Variants in TMEM144 observed in about 807,000 individuals in gnomAD.
TMEM144 encodes transmembrane protein 144.
In TMEM144, 39 loss-of-function variants were observed where a neutral mutation model predicts 43.6. That is an observed-to-expected ratio of 0.90 (90% CI 0.69 to 1.17). The LOEUF (loss-of-function observed/expected upper bound fraction) is 1.17, where lower values mean the gene tolerates loss of function less well. Ranked by LOEUF, TMEM144 falls within the 50% of genes most tolerant of loss-of-function variation. The pLI, the probability that TMEM144 is intolerant of heterozygous loss-of-function variation, is 0.00. For missense variants in TMEM144, 417 were observed against 411.9 expected, an observed-to-expected ratio of 1.01 and a Z score of -0.11; for synonymous variants, 154 against 133.6, an observed-to-expected ratio of 1.15 and a Z score of -1.06.
At chr4:158,212,168 T>C (rs1407517427) in intron 2 of TMEM144, 1 of 152,258 alleles carries the variant, frequency 6.6e-6, no homozygotes, top group African/African-American at 2.4e-5. Flanking sequence ...TTTTTTCTCA[T>C]GTATCTCGGG....
chr4:158,236,906 G>A (rs1266518841), intron 8 of TMEM144, among the ~76,000 whole-genome samples: 4 of 152,030 alleles, frequency 2.6e-5, no homozygotes, highest in Non-Finnish European at 4.4e-5. Context: ...GCCCAAGTCT[G>A]GGGAGTCCGC....
chr4:158,246,218 CTT>C, intron 12 of TMEM144, among the ~76,000 whole-genome samples: 1 of 152,248 alleles, frequency 6.6e-6, no homozygotes, highest in East Asian at 1.9e-4. Flanking sequence ...TGCAAATACT[CTT>C]TTATAAGAAT....
chr4:158,235,493 A>C lies in TMEM144; in HGVS notation c.551A>C (p.His184Pro). The stretch of plus-strand genomic sequence containing the variant: ...TGGGTGGATAAACTTTCTACAGTAC[A>C]CCACCGCATAGTGTAAGGAGAGGTT... Reference protein sequence around the residue: ...CSWVDKLSTVHHRIVGCSLAV... With the variant: ...CSWVDKLSTVPHRIVGCSLAV... Residue 184 changes from histidine (H) to proline (P), a missense_variant, in exon 8 of 13, where the codon CAC becomes CCC. Coordinates refer to ENST00000296529, the MANE Select transcript of TMEM144 (RefSeq NM_018342.5). 6.2e-7 allele frequency: 1 copy of C among 1,613,732 alleles called. No individual in the cohort carries two copies. Among genetic ancestry groups the C allele is most frequent in the Non-Finnish European group, 8.5e-7 (1 of 1,179,746 alleles).
In TMEM144 at chr4:158,219,347, A is replaced by T; in HGVS notation, c.370A>T (p.Asn124Tyr). ...WFGLDAEEVSNPLLNYIGAGL... is the reference protein window; with the variant it reads ...WFGLDAEEVSYPLLNYIGAGL... ...TGGATTGGATGCAGAAGAAGTATCAAATCCGCTGCTAAATTACATTGGAGC... is the reference window on the plus strand; with the variant it reads ...TGGATTGGATGCAGAAGAAGTATCATATCCGCTGCTAAATTACATTGGAGC... Residue 124 changes from asparagine (N) to tyrosine (Y), a missense_variant, in exon 6 of 13, where the codon AAT (asparagine) becomes TAT (tyrosine). Coordinates refer to ENST00000296529, the MANE Select transcript of TMEM144 (RefSeq NM_018342.5). The T allele has an allele frequency of 6.2e-7, 1 of 1,613,942 alleles. No homozygotes were observed. Among genetic ancestry groups the T allele is most frequent in the Non-Finnish European group, 8.5e-7 (1 of 1,179,828 alleles).
chr4:158,251,780 C>A (rs879702514), intron 12 of TMEM144, among the ~76,000 whole-genome samples: 1 of 152,156 alleles, frequency 6.6e-6, no homozygotes, highest in South Asian at 2.1e-4. Flanking sequence ...TTCCACCCCT[C>A]GGCTAAAGAA....
At chr4:158,241,881 G>A (rs965319097) in intron 11 of TMEM144, among the ~76,000 whole-genome samples, 7 of 152,058 alleles carry the variant, frequency 4.6e-5, no homozygotes, top group African/African-American at 7.2e-5. Context: ...TAATTTTAGC[G>A]ACATTGTAAT....
chr4:158,223,429 T>C (rs1220531493), intron 6 of TMEM144, among the ~76,000 whole-genome samples: 1 of 152,138 alleles, frequency 6.6e-6, no homozygotes, highest in Non-Finnish European at 1.5e-5. Flanking sequence ...GTCCTTTTAT[T>C]TATTTATTCA....
intron 6 of TMEM144, among the ~76,000 whole-genome samples, chr4:158,229,113 C>T (rs1431897928): frequency 1.3e-5 from 2 of 152,152 alleles, no homozygotes; most frequent in Non-Finnish European, 1.5e-5. Context: ...CAAGCCCAGG[C>T]CTGGTTTCAG....
intron 6 of TMEM144, among the ~76,000 whole-genome samples, chr4:158,223,804 G>A (rs1734620500): frequency 6.6e-6 from 1 of 152,152 alleles, no homozygotes; most frequent in Non-Finnish European, 1.5e-5. Flanking sequence ...TCTTTATCCA[G>A]TCTATCATTG....
At chr4:158,224,290 T>C (rs562911806) in intron 6 of TMEM144, among the ~76,000 whole-genome samples, 1 of 152,312 alleles carries the variant, frequency 6.6e-6, no homozygotes, top group South Asian at 2.1e-4. Context: ...TTTAAGTTCC[T>C]TGTAAATTCT....
intron 5 of TMEM144, among the ~76,000 whole-genome samples, chr4:158,218,826 T>C (rs1193196172): frequency 1.3e-5 from 2 of 152,208 alleles, no homozygotes; most frequent in Non-Finnish European, 2.9e-5. Flanking sequence ...ATAATTATTA[T>C]CCCATTTTAA....
At position 158,232,969 on chromosome 4, in the gene TMEM144, T is replaced by C. The variant is rs1195348616; in HGVS notation, c.482T>C (p.Leu161Ser). The change falls in exon 7 of 13, where the codon TTA becomes TCA. Residue 161 changes from leucine to serine, a missense_variant. Coordinates refer to ENST00000296529, the MANE Select transcript of TMEM144 (RefSeq NM_018342.5). ...NNTCSMDTTP[L>S]ITEHVINTTQ... ...ACGTGTTCCATGGATACCACTCCAT[T>C]AATAACAGAGCATGTGAGTATAGTA... 6.2e-7 allele frequency: 1 copy of C among 1,609,278 alleles called. No homozygotes were observed. The highest frequency in any genetic ancestry group is 8.5e-7 in the Non-Finnish European group (1 of 1,177,206).
At chr4:158,243,942 T>A (rs1056567596) in intron 11 of TMEM144, among the ~76,000 whole-genome samples, 2 of 152,186 alleles carry the variant, frequency 1.3e-5, no homozygotes, top group Non-Finnish European at 1.5e-5. Flanking sequence ...TTGTGCACAC[T>A]TTTTCTTATT....
At position 158,255,365 on chromosome 4, in the gene TMEM144, T is replaced by A. The variant is rs1736430103; in HGVS notation, c.*1838T>A. ...TTCTTTAGTTGGGATTTCCAATTTA[T>A]ATGCAAAATTTTAAATGTGAAGTAA... is the stretch of plus-strand genomic sequence containing the variant. On this transcript the variant is annotated 3_prime_UTR_variant, in exon 13 of 13. Transcript: ENST00000296529. 1 of 151,086 alleles carries A rather than the reference T, an allele frequency of 6.6e-6. No individual in the cohort carries two copies. Among genetic ancestry groups the A allele is most frequent in the East Asian group, 1.9e-4 (1 of 5,154 alleles). 9.4% of individuals were successfully genotyped at this position (151,086 alleles called of 1,614,324 possible).
chr4:158,222,874 C>T (rs1579112011), intron 6 of TMEM144, among the ~76,000 whole-genome samples: 2 of 152,322 alleles, frequency 1.3e-5, no homozygotes, highest in South Asian at 4.1e-4. Flanking sequence ...TTGGGTAAAA[C>T]ATCAAGTTTC....
rs1330745419 is a variant in TMEM144, at chr4:158,219,404, T to G, written c.413+14T>G. 2 of 1,610,020 alleles carry G rather than the reference T, an allele frequency of 1.2e-6. No homozygotes were observed. Among genetic ancestry groups the G allele is most frequent in the South Asian group, 1.1e-5 (1 of 90,790 alleles). ...ATCAGTAGTAAGGTACACAGTCATT[T>G]CTAGTGATTTTGCTGTTCTTCAAAA... On this transcript the variant is annotated intron_variant, in intron 6 of 12. Coordinates refer to ENST00000296529, the MANE Select transcript of TMEM144 (RefSeq NM_018342.5).
chr4:158,251,852 A>ACTTT (rs1345518547), intron 12 of TMEM144, among the ~76,000 whole-genome samples: 1 of 152,176 alleles, frequency 6.6e-6, no homozygotes, highest in Non-Finnish European at 1.5e-5. Flanking sequence ...TCCGCACTCC[A>ACTTT]CTTTCTTGAG....
At chr4:158,218,899 G>A (rs910466899) in intron 5 of TMEM144, among the ~76,000 whole-genome samples, 1 of 152,186 alleles carries the variant, frequency 6.6e-6, no homozygotes, top group African/African-American at 2.4e-5. Context: ...GATCGAGGTG[G>A]GTGGATCGCT....
At chr4:158,215,788 T>C (rs1046702751) in intron 4 of TMEM144, among the ~76,000 whole-genome samples, 10 of 152,188 alleles carry the variant, frequency 6.6e-5, no homozygotes, top group Admixed American at 1.3e-4. Context: ...TGTTGCCTTA[T>C]CAGTACCTGA....
Sources: allele counts gnomAD v4.1 joint callset (sites outside exome capture counted in the v4.1 genomes callset), GRCh38; gene constraint gnomAD v4.1.1; transcripts MANE v1.5; gene names NCBI Gene and HGNC (gene_info 2026-07-23, HGNC 2026-07-21).